The following RCBTB1 variants were observed in gnomAD, a reference collection of about 807,000 sequenced individuals.
RCBTB1 encodes RCC1 and BTB domain-containing protein 1.
In RCBTB1, 46 loss-of-function variants were observed where a neutral mutation model predicts 62.4. The observed-to-expected ratio is 0.74, with a 90% CI of 0.58 to 0.94. The LOEUF (loss-of-function observed/expected upper bound fraction) is 0.94, where lower values mean the gene tolerates loss of function less well. Ranked by LOEUF, RCBTB1 falls within the 40% of genes least tolerant of loss-of-function variation. RCBTB1 has a pLI of 0.00. For missense variants in RCBTB1, 565 were observed against 654.9 expected (o/e 0.86, Z 1.50); for synonymous variants, 222 against 245.8 (o/e 0.90, Z 0.91).
intron 12 of RCBTB1, among the ~76,000 whole-genome samples, chr13:49,534,755 C>T (rs1312737623): frequency 1.3e-5 from 2 of 152,158 alleles, no homozygotes; most frequent in Non-Finnish European, 2.9e-5. Context: ...AAATCCCAGC[C>T]GGGCACGGTG....
Position 49,555,684 on chromosome 13 carries a change from A to G in RCBTB1, c.445-11T>C. 3 of 1,545,710 alleles carry G rather than the reference A, an allele frequency of 1.9e-6. No homozygotes were observed. The highest frequency in any genetic ancestry group is 2.6e-6 in the Non-Finnish European group (3 of 1,148,276). On this transcript the variant is annotated splice_polypyrimidine_tract_variant and intron_variant, in intron 5 of 12. Transcript: ENST00000378302. ...ACCCCAAGCAAACACCTACAAGAGAAAGAAAAAGGAAAAGGAAAGAATAGT... is the reference window on the plus strand; with the variant it reads ...ACCCCAAGCAAACACCTACAAGAGAGAGAAAAAGGAAAAGGAAAGAATAGT...
chr13:49,564,808 G>A (rs1053114846), intron 4 of RCBTB1, among the ~76,000 whole-genome samples: 80 of 151,322 alleles, frequency 5.3e-4, no homozygotes, highest in African/African-American at 1.7e-3. Context: ...GGAGAATGGC[G>A]TGAACCCAGG....
At chr13:49,563,661 G>T (rs56850432) in intron 4 of RCBTB1, among the ~76,000 whole-genome samples, 36,974 of 151,554 alleles carry the variant, frequency 0.24, 5,766 homozygotes, top group African/African-American at 0.44. Flanking sequence ...TGTCTCAAAA[G>T]AAAAAAAAGG....
intron 5 of RCBTB1, among the ~76,000 whole-genome samples, chr13:49,559,541 A>C (rs1962249771): frequency 6.6e-6 from 1 of 151,702 alleles, no homozygotes; most frequent in Admixed American, 6.6e-5. Flanking sequence ...CTGTAGTCCC[A>C]GCTACTTGGG....
intron 8 of RCBTB1, 145 bp from the exon 9 acceptor site, chr13:49,549,793 C>G (rs1354880452): frequency 7.0e-7 from 1 of 1,429,332 alleles, no homozygotes; most frequent in Non-Finnish European, 9.1e-7. Context: ...GTCACAGCAA[C>G]AAAAGCAACA....
Position 49,567,135 on chromosome 13 carries a change from GGTT to G in RCBTB1, c.126+16_126+18del. On this transcript the variant is annotated intron_variant, in intron 3 of 12. Coordinates refer to ENST00000378302, the MANE Select transcript of RCBTB1 (RefSeq NM_018191.4). ...CCAAATAAGTCCTAAAACGAAACTA[GGTT>G]TCAAGAGACTCTTACCTCATCATTG... is the stretch of plus-strand genomic sequence containing the variant. The G allele has an allele frequency of 1.9e-6, 3 of 1,612,180 alleles. No homozygotes were observed. Among genetic ancestry groups the G allele is most frequent in the Non-Finnish European group, 2.5e-6 (3 of 1,178,934 alleles).
chr13:49,572,276 G>A (rs571805572), intron 2 of RCBTB1, among the ~76,000 whole-genome samples: 42 of 148,748 alleles, frequency 2.8e-4, no homozygotes, highest in African/African-American at 9.2e-4. Flanking sequence ...GCAGTGAGCC[G>A]AGATCATGCC....
At chr13:49,535,764 C>T (rs1354243267) in intron 12 of RCBTB1, among the ~76,000 whole-genome samples, 1 of 152,152 alleles carries the variant, frequency 6.6e-6, no homozygotes, top group East Asian at 1.9e-4. Context: ...GTGGCTCACG[C>T]CTGTAATCTC....
intron 1 of RCBTB1, among the ~76,000 whole-genome samples, chr13:49,583,485 T>C (rs1964221159): frequency 6.6e-6 from 1 of 152,140 alleles, no homozygotes; most frequent in Non-Finnish European, 1.5e-5. Flanking sequence ...CTAAGTCTAT[T>C]CTGGCTAAAT....
chr13:49,552,934 A>G (rs1312427195), intron 6 of RCBTB1, among the ~76,000 whole-genome samples: 1 of 152,188 alleles, frequency 6.6e-6, no homozygotes. Flanking sequence ...CTGTAATCCC[A>G]GCACTTTGGA....
intron 6 of RCBTB1, among the ~76,000 whole-genome samples, chr13:49,552,488 A>G (rs116523488): frequency 0.012 from 1,835 of 152,222 alleles, 39 homozygotes; most frequent in African/African-American, 0.041. Flanking sequence ...ATGACTTACT[A>G]GTTAGATAGT....
intron 2 of RCBTB1, among the ~76,000 whole-genome samples, chr13:49,578,350 T>C (rs368791916): frequency 3.9e-5 from 6 of 152,252 alleles, no homozygotes; most frequent in East Asian, 1.9e-4. Flanking sequence ...CAATTTTTAA[T>C]ATTTGCAATT....
In RCBTB1 at chr13:49,532,970, G is replaced by A. The variant is rs1959670837; in HGVS notation, c.*1152C>T. The A allele has an allele frequency of 6.6e-6, 1 of 152,172 alleles. No homozygotes were observed. Among genetic ancestry groups the A allele is most frequent in the South Asian group, 2.1e-4 (1 of 4,828 alleles). The allele number at this position is 152,172 out of a possible 1,614,324, so 9.4% of individuals were successfully genotyped here. On this transcript the variant is annotated 3_prime_UTR_variant, in exon 13 of 13. Coordinates refer to ENST00000378302, the MANE Select transcript of RCBTB1 (RefSeq NM_018191.4). The stretch of plus-strand genomic sequence containing the variant: ...CCATAACCAGTTCAAATAAACTACT[G>A]TCTTTTAATAGGATCTTTTCAGGAA...
intron 9 of RCBTB1, 79 bp downstream of exon 9, chr13:49,549,379 A>G: frequency 3.5e-6 from 5 of 1,414,650 alleles, no homozygotes; most frequent in Non-Finnish European, 4.8e-6. Context: ...AGAGATCCCA[A>G]AACCAGCAAA....
chr13:49,549,596 G>A lies in RCBTB1; in HGVS notation c.907C>T (p.Gln303Ter). ...HSAHTSAAKTQGGHVYMWGQC... is the reference protein window; with the variant it reads ...HSAHTSAAKT ...CCCCACATGTACACGTGCCCACCCT[G>A]CGTCTTGGCTGCAGACGTGTGGGCA... is the stretch of plus-strand genomic sequence containing the variant. The change falls in exon 9 of 13, where the codon CAG (glutamine) becomes TAG (stop). Residue 303 changes from glutamine to a stop codon, truncating the protein, a stop_gained. Transcript: ENST00000378302. LOFTEE classifies it high-confidence loss of function. 6.2e-7 allele frequency: 1 copy of A among 1,614,082 alleles called. No individual in the cohort carries two copies. Among genetic ancestry groups the A allele is most frequent in the Middle Eastern group, 1.6e-4 (1 of 6,062 alleles).
At chr13:49,543,543 C>T (rs1017904360) in intron 10 of RCBTB1, among the ~76,000 whole-genome samples, 2 of 152,096 alleles carry the variant, frequency 1.3e-5, no homozygotes, top group Non-Finnish European at 2.9e-5. Flanking sequence ...TATTTCTTTG[C>T]CAATAGGTTT....
chr13:49,578,323 C>T (rs1174457861), intron 2 of RCBTB1, among the ~76,000 whole-genome samples: 1 of 152,196 alleles, frequency 6.6e-6, no homozygotes, highest in Non-Finnish European at 1.5e-5. Flanking sequence ...AAATACTCTA[C>T]ATGTTCAGTA....
In RCBTB1 at chr13:49,532,163, C is replaced by T. The variant is rs1275091085; in HGVS notation, c.*1959G>A. On this transcript the variant is annotated 3_prime_UTR_variant, in exon 13 of 13. Coordinates refer to ENST00000378302, the MANE Select transcript of RCBTB1 (RefSeq NM_018191.4). ...TATCCTGCTATGATTAACAAAAAAACAAGTAGAAAAATAAGAGAGTGTATT... is the reference window on the plus strand; with the variant it reads ...TATCCTGCTATGATTAACAAAAAAATAAGTAGAAAAATAAGAGAGTGTATT... The T allele has an allele frequency of 6.6e-6, 1 of 150,550 alleles. No individual in the cohort carries two copies. The highest frequency in any genetic ancestry group is 1.5e-5 in the Non-Finnish European group (1 of 67,630). 9.3% of individuals were successfully genotyped at this position (150,550 alleles called of 1,614,324 possible). A position where few individuals can be genotyped will look rare whatever the true frequency, so the allele number is the denominator to read the frequency against.
intron 9 of RCBTB1, chr13:49,546,869 A>G (rs561384864): frequency 2.5e-4 from 201 of 817,190 alleles, no homozygotes; most frequent in Admixed American, 1.1e-3. Flanking sequence ...ATAACAGGCC[A>G]CGGACCAGTA....
Sources: allele counts gnomAD v4.1 joint callset (sites outside exome capture counted in the v4.1 genomes callset), GRCh38; gene constraint gnomAD v4.1.1; transcripts MANE v1.5; gene names NCBI Gene and HGNC (gene_info 2026-07-23, HGNC 2026-07-21).